The following DSCAM variants were observed in gnomAD, a reference collection of about 807,000 sequenced individuals.
DSCAM encodes cell adhesion molecule DSCAM.
In DSCAM, 47 loss-of-function variants were observed where a neutral mutation model predicts 217.7. That is an observed-to-expected ratio of 0.22 (90% CI 0.17 to 0.28). The LOEUF (loss-of-function observed/expected upper bound fraction) is 0.28. DSCAM is among the 10% of genes least tolerant of loss of function. The pLI is 1.00. For missense variants in DSCAM, 2,080 were observed against 2,618.3 expected, an observed-to-expected ratio of 0.79 and a Z score of 4.49; for synonymous variants, 1,056 against 1,015.3, an observed-to-expected ratio of 1.04 and a Z score of -0.76.
chr21:40,536,986 A>G (rs1475532165), intron 3 of DSCAM, among the ~76,000 whole-genome samples: 1 of 152,170 alleles, frequency 6.6e-6, no homozygotes, highest in Non-Finnish European at 1.5e-5. Flanking sequence ...CTAGAACTGC[A>G]AAACACCTAA....
chr21:40,021,219 A>AT (rs1303956726), intron 32 of DSCAM, among the ~76,000 whole-genome samples: 1 of 151,724 alleles, frequency 6.6e-6, no homozygotes, highest in African/African-American at 2.4e-5. Context: ...AAAAAAAAAA[A>AT]AAAAAAAGAA....
At chr21:40,487,232 ACTCTCT>A (rs764459595) in intron 3 of DSCAM, among the ~76,000 whole-genome samples, 2 of 109,184 alleles carry the variant, frequency 1.8e-5, no homozygotes, top group African/African-American at 3.3e-5. Flanking sequence ...ATAACCTGTA[ACTCTCT>A]CTCTCTCTCT....
chr21:40,383,047 T>C (rs1034621449), intron 3 of DSCAM: 2 of 152,192 alleles, frequency 1.3e-5, no homozygotes, highest in Non-Finnish European at 2.9e-5. Context: ...ATGATATATC[T>C]GGCTGGGCAG....
intron 3 of DSCAM, among the ~76,000 whole-genome samples, chr21:40,482,536 T>C (rs1317943777): frequency 1.3e-5 from 2 of 152,208 alleles, no homozygotes; most frequent in South Asian, 2.1e-4. Context: ...ATTTTGTGTT[T>C]TAAAAATTGG....
At chr21:40,805,472 T>A (rs1055879642) in intron 1 of DSCAM, among the ~76,000 whole-genome samples, 5 of 152,126 alleles carry the variant, frequency 3.3e-5, no homozygotes, top group African/African-American at 9.7e-5. Flanking sequence ...GTAAACTCAG[T>A]AACTCATTCC....
chr21:40,498,630 G>GTGTA (rs1555846336), intron 3 of DSCAM, among the ~76,000 whole-genome samples: 7,437 of 99,680 alleles, frequency 0.075, 396 homozygotes, highest in Non-Finnish European at 0.12. Flanking sequence ...TATGCACTAT[G>GTGTA]TATATATATA....
chr21:40,043,837 A>G (rs997661778), intron 31 of DSCAM, among the ~76,000 whole-genome samples: 1 of 152,246 alleles, frequency 6.6e-6, no homozygotes, highest in African/African-American at 2.4e-5. Flanking sequence ...GCTTGGGTCT[A>G]AGATTCAGGA....
At chr21:40,380,428 T>G (rs1003253927) in intron 3 of DSCAM, among the ~76,000 whole-genome samples, 2 of 152,228 alleles carry the variant, frequency 1.3e-5, no homozygotes, top group African/African-American at 2.4e-5. Context: ...AAGATGGTTT[T>G]GGCCACTGAC....
chr21:40,289,792 C>T (rs1190390081), intron 10 of DSCAM, among the ~76,000 whole-genome samples: 1 of 151,872 alleles, frequency 6.6e-6, no homozygotes, highest in Non-Finnish European at 1.5e-5. Flanking sequence ...CTGCTGTATT[C>T]GAAAGGAAAC....
At chr21:40,013,854 G>T (rs562676386) in intron 32 of DSCAM, among the ~76,000 whole-genome samples, 6 of 152,314 alleles carry the variant, frequency 3.9e-5, no homozygotes, top group African/African-American at 4.8e-5. Context: ...ATGAAACCTT[G>T]TGACCTTGGC....
intron 1 of DSCAM, among the ~76,000 whole-genome samples, chr21:40,800,015 G>A (rs1006213113): frequency 5.9e-5 from 9 of 152,108 alleles, no homozygotes; most frequent in African/African-American, 1.7e-4. Context: ...ATAGATTAAC[G>A]AGTCAGTGGA....
chr21:40,059,287 T>C (rs572699803), intron 28 of DSCAM, among the ~76,000 whole-genome samples: 3 of 152,380 alleles, frequency 2.0e-5, no homozygotes, highest in African/African-American at 4.8e-5. Context: ...TTAAACATTA[T>C]ATGTTAGCTC....
intron 3 of DSCAM, among the ~76,000 whole-genome samples, chr21:40,430,917 TG>T (rs2075524826): frequency 6.6e-6 from 1 of 151,918 alleles, no homozygotes; most frequent in Non-Finnish European, 1.5e-5. Flanking sequence ...AACTAGAAGG[TG>T]GTAAGGGTGG....
chr21:40,199,479 T>A (rs11909038), intron 11 of DSCAM, among the ~76,000 whole-genome samples: 18,027 of 152,172 alleles, frequency 0.12, 2,927 homozygotes, highest in African/African-American at 0.37. Context: ...GTGTCTTTAT[T>A]GTAGAATGAG....
At chr21:40,602,053 CTTTTTTTTTTT>C (rs761687929) in intron 3 of DSCAM, among the ~76,000 whole-genome samples, 3 of 89,496 alleles carry the variant, frequency 3.4e-5, no homozygotes, top group East Asian at 3.5e-4. Context: ...TCTGCTTCTA[CTTTTTTTTTTT>C]TTTTTTTTTT....
At chr21:40,242,083 C>T (rs1325425917) in intron 11 of DSCAM, among the ~76,000 whole-genome samples, 3 of 151,304 alleles carry the variant, frequency 2.0e-5, no homozygotes, top group Non-Finnish European at 2.9e-5. Flanking sequence ...ATAATCTGTA[C>T]AACAAACCCC....
chr21:40,736,945 A>G (rs545533974), intron 1 of DSCAM, among the ~76,000 whole-genome samples: 17 of 152,328 alleles, frequency 1.1e-4, no homozygotes, highest in African/African-American at 3.6e-4. Context: ...TGGATCAAAA[A>G]TTACATTTAA....
chr21:40,187,357 G>T, intron 13 of DSCAM, 98 bp from the exon 14 acceptor site: 1 of 1,436,878 alleles, frequency 7.0e-7, no homozygotes, highest in Non-Finnish European at 9.4e-7. Flanking sequence ...CGATTTGTCT[G>T]CATTAGACAA....
intron 3 of DSCAM, among the ~76,000 whole-genome samples, chr21:40,495,339 T>G (rs2410252): frequency 0.69 from 105,301 of 152,106 alleles, 37,927 homozygotes; most frequent in African/African-American, 0.91. Context: ...GCTATTCACC[T>G]TGATCAGTAC....
Sources: gnomAD v4.1 joint callset for allele counts (sites outside exome capture counted in the v4.1 genomes callset) on GRCh38, gnomAD v4.1.1 for gene constraint, MANE v1.5 for transcripts, NCBI Gene and HGNC (gene_info 2026-07-23, HGNC 2026-07-21) for gene names.